The following SMCO2 variants were observed in gnomAD, a reference collection of about 807,000 sequenced individuals.
SMCO2 encodes the protein single-pass membrane and coiled-coil domain-containing protein 2.
Under a neutral mutation model 29.5 loss-of-function variants are expected in SMCO2, and 25 were observed. The observed-to-expected ratio is 0.85, with a 90% confidence interval of 0.62 to 1.18. The LOEUF (loss-of-function observed/expected upper bound fraction) is 1.18. Ranked by LOEUF, SMCO2 falls within the 50% of genes most tolerant of loss-of-function variation. The probability of loss-of-function intolerance (pLI) is 0.00; values close to 1 mark genes in which losing one functional copy is unlikely to be tolerated. For missense variants in SMCO2, 348 were observed against 344.5 expected (o/e 1.01, Z -0.08); for synonymous variants, 117 against 123.3 (o/e 0.95, Z 0.34).
At chr12:27,459,186 C>CAAA in the SMCO2 span, among the ~76,000 whole-genome samples, 1 of 94,696 alleles carries the variant, frequency 1.1e-5, no homozygotes, top group East Asian at 3.0e-4. Flanking sequence ...GACTCCATCT[C>CAAA]AAAAAAAAAA....
chr12:27,489,890 G>A (rs190141782), intron 5 of SMCO2, among the ~76,000 whole-genome samples: 16 of 152,312 alleles, frequency 1.1e-4, no homozygotes, highest in South Asian at 4.1e-4. Flanking sequence ...TAGCAGGTGC[G>A]GGGAGGGAGG....
At chr12:27,488,625 T>TA in intron 5 of SMCO2, 78 bp downstream of exon 6, 1 of 1,075,796 alleles carries the variant, frequency 9.3e-7, no homozygotes, top group Admixed American at 3.0e-5. Context: ...CTATTGTTAA[T>TA]AGGCAATAAC....
At chr12:27,502,000 G>A in exon 8 of SMCO2, 2 of 1,547,718 alleles carry the variant, frequency 1.3e-6, no homozygotes, top group Non-Finnish European at 1.7e-6. Context: ...CTATTTTTTG[G>A]TGCTACATTT....
intron 5 of SMCO2, among the ~76,000 whole-genome samples, chr12:27,493,383 C>A (rs904636342): frequency 2.0e-5 from 3 of 151,792 alleles, no homozygotes; most frequent in Non-Finnish European, 2.9e-5. Context: ...AAATAAAAAA[C>A]TAGCTGGGCA....
At chr12:27,428,818 C>T in the SMCO2 span, among the ~76,000 whole-genome samples, 33 of 130,030 alleles carry the variant, frequency 2.5e-4, no homozygotes, top group East Asian at 4.4e-4. Context: ...AATAAATGTA[C>T]TTTTTTTTTT....
the SMCO2 span, among the ~76,000 whole-genome samples, chr12:27,443,508 C>T: frequency 6.6e-6 from 1 of 152,130 alleles, no homozygotes; most frequent in East Asian, 1.9e-4. Context: ...ATTGGAAAGT[C>T]CTGGCCAGAG....
chr12:27,449,001 C>T, the SMCO2 span, among the ~76,000 whole-genome samples: 1 of 152,192 alleles, frequency 6.6e-6, no homozygotes. Context: ...CCATCCACTG[C>T]AGACTCAAGT....
chr12:27,491,021 T>C (rs567181495), intron 5 of SMCO2, among the ~76,000 whole-genome samples: 1 of 152,178 alleles, frequency 6.6e-6, no homozygotes, highest in South Asian at 2.1e-4. Flanking sequence ...TTAGTAGCAA[T>C]GGCTGTAGGC....
At chr12:27,444,619 A>G in the SMCO2 span, among the ~76,000 whole-genome samples, 1 of 152,222 alleles carries the variant, frequency 6.6e-6, no homozygotes. Context: ...AAATGCAAAT[A>G]AAAAACACAA....
At chr12:27,432,146 A>T in the SMCO2 span, among the ~76,000 whole-genome samples, 4,410 of 152,272 alleles carry the variant, frequency 0.029, 99 homozygotes, top group Non-Finnish European at 0.046. Context: ...TTTTAAAAAT[A>T]TATTCTGGAT....
chr12:27,480,597 G>C (rs898380170), intron 4 of SMCO2, among the ~76,000 whole-genome samples: 2 of 152,134 alleles, frequency 1.3e-5, no homozygotes, highest in Non-Finnish European at 2.9e-5. Flanking sequence ...TAAGTCACAG[G>C]GGCAGATCCC....
intron 7 of SMCO2, among the ~76,000 whole-genome samples, chr12:27,499,860 T>C (rs556681287): frequency 2.0e-5 from 3 of 150,760 alleles, no homozygotes; most frequent in African/African-American, 7.4e-5. Context: ...GAATCGATTT[T>C]TGCTGGTTTT....
chr12:27,490,819 C>G (rs550152147), intron 5 of SMCO2, among the ~76,000 whole-genome samples: 31 of 152,058 alleles, frequency 2.0e-4, no homozygotes, highest in Non-Finnish European at 4.1e-4. Flanking sequence ...GTAGTCCCAG[C>G]TACTTAGGAG....
intron 4 of SMCO2, among the ~76,000 whole-genome samples, chr12:27,487,432 C>G (rs1224907917): frequency 1.3e-5 from 2 of 152,028 alleles, no homozygotes; most frequent in African/African-American, 4.8e-5. Context: ...GAGTAGTCTT[C>G]CATGATATGA....
chr12:27,438,995 G>A, the SMCO2 span, among the ~76,000 whole-genome samples: 5 of 152,160 alleles, frequency 3.3e-5, no homozygotes, highest in East Asian at 1.9e-4. Context: ...TCCAACTTAC[G>A]GTTTCTGCAC....
At chr12:27,493,484 G>A (rs1942955109) in intron 5 of SMCO2, among the ~76,000 whole-genome samples, 1 of 151,902 alleles carries the variant, frequency 6.6e-6, no homozygotes, top group Non-Finnish European at 1.5e-5. Flanking sequence ...AGTGAGCCAT[G>A]ATCACACCAC....
At chr12:27,480,203 G>T (rs1353646670) in intron 4 of SMCO2, among the ~76,000 whole-genome samples, 1 of 152,238 alleles carries the variant, frequency 6.6e-6, no homozygotes, top group Non-Finnish European at 1.5e-5. Flanking sequence ...CAAACAAGCT[G>T]CTTCTTCCCC....
chr12:27,481,118 G>A (rs973490369), intron 4 of SMCO2, among the ~76,000 whole-genome samples: 3 of 152,180 alleles, frequency 2.0e-5, no homozygotes, highest in African/African-American at 4.8e-5. Context: ...GAGGGATGTC[G>A]GCAGGGCTTC....
At chr12:27,471,929 G>A (rs774494147) in intron 2 of SMCO2, among the ~76,000 whole-genome samples, 3 of 152,008 alleles carry the variant, frequency 2.0e-5, no homozygotes, top group East Asian at 1.9e-4. Flanking sequence ...TCTACTTTTC[G>A]GGTTTTCCAA....
Sources: allele counts gnomAD v4.1 joint callset (sites outside exome capture counted in the v4.1 genomes callset), GRCh38; gene constraint gnomAD v4.1.1; transcripts MANE v1.5; gene names NCBI Gene and HGNC (gene_info 2026-07-23, HGNC 2026-07-21).